The following FAM185A variants were observed in gnomAD, a reference collection of about 807,000 sequenced individuals.
FAM185A encodes the protein family with sequence similarity 185 member A.
In FAM185A, 21 loss-of-function variants were observed where a neutral mutation model predicts 45.7. That is an observed-to-expected ratio of 0.46 (90% CI 0.33 to 0.66). The LOEUF is 0.66. Ranked by LOEUF, FAM185A falls within the 30% of genes least tolerant of loss-of-function variation. FAM185A has a pLI of 0.03. For missense variants in FAM185A, 305 were observed against 485.4 expected (o/e 0.63, Z 3.49); for synonymous variants, 117 against 194.0 (o/e 0.60, Z 3.30).
At chr7:102,792,726 A>G (rs1166775151) in intron 7 of FAM185A, among the ~76,000 whole-genome samples, 3 of 141,192 alleles carry the variant, frequency 2.1e-5, no homozygotes, top group Non-Finnish European at 3.0e-5. Context: ...TTTTAGTAAA[A>G]CTGGAAATAT....
chr7:102,786,588 A>T (rs1389372356), intron 6 of FAM185A, among the ~76,000 whole-genome samples: 1 of 152,208 alleles, frequency 6.6e-6, no homozygotes, highest in African/African-American at 2.4e-5. Context: ...ACAAAAAACC[A>T]AACACCACAT....
chr7:102,847,080 T>C, the FAM185A span, among the ~76,000 whole-genome samples: 1 of 152,216 alleles, frequency 6.6e-6, no homozygotes, highest in East Asian at 1.9e-4. Flanking sequence ...ATACAGCAAC[T>C]CTCATTTATT....
chr7:102,797,356 G>A (rs1796493817), intron 7 of FAM185A, among the ~76,000 whole-genome samples: 1 of 151,450 alleles, frequency 6.6e-6, no homozygotes, highest in African/African-American at 2.4e-5. Context: ...CCAGCTACTC[G>A]GGAGGCTGAG....
downstream of FAM185A, among the ~76,000 whole-genome samples, chr7:102,812,487 A>G (rs1201417000): frequency 6.6e-6 from 1 of 152,218 alleles, no homozygotes; most frequent in African/African-American, 2.4e-5. Context: ...AAATGTTGAG[A>G]TAAGTACAGA....
intron 7 of FAM185A, among the ~76,000 whole-genome samples, chr7:102,789,251 A>C (rs899030124): frequency 3.6e-4 from 55 of 152,226 alleles, no homozygotes; most frequent in African/African-American, 1.3e-3. Context: ...CCTAGTAGCT[A>C]GGTTATAGGT....
At chr7:102,834,405 TTA>T in the FAM185A span, among the ~76,000 whole-genome samples, 17 of 146,412 alleles carry the variant, frequency 1.2e-4, no homozygotes, top group African/African-American at 2.2e-4. Flanking sequence ...TTATATGCGA[TTA>T]TATATATATT....
Position 102,808,290 on chromosome 7 carries a change from G to T in FAM185A, c.1067G>T (p.Gly356Val). 2 of 1,548,120 alleles carry T rather than the reference G, an allele frequency of 1.3e-6. No individual in the cohort carries two copies. The highest frequency in any genetic ancestry group is 1.7e-6 in the Non-Finnish European group (2 of 1,143,776). Residue 356 changes from glycine (G) to valine (V), a missense_variant and splice_region_variant, in exon 8 of 8, where the codon GGA becomes GTA. Gly to Val is a moderately radical substitution (Grantham distance 109). This residue lies in a region of FAM185A where 66 missense variants were observed against 74.6 expected (regional missense o/e 0.89). Transcript: ENST00000413034. ...VRKDDVVTVTGLMNQASKREK... is the reference protein window; with the variant it reads ...VRKDDVVTVTVLMNQASKREK... The stretch of plus-strand genomic sequence containing the variant: ...AATTTTATGCAATTTTGTGTTTTAG[G>T]ACTCATGAATCAAGCAAGCAAACGT...
chr7:102,794,988 T>C (rs1796363639), intron 7 of FAM185A, among the ~76,000 whole-genome samples: 1 of 152,176 alleles, frequency 6.6e-6, no homozygotes, highest in Non-Finnish European at 1.5e-5. Context: ...GTGGTTGCCA[T>C]AGGTTAGGGA....
At chr7:102,822,307 G>A in the FAM185A span, 1 of 1,053,290 alleles carries the variant, frequency 9.5e-7, no homozygotes, top group African/African-American at 1.6e-5. Flanking sequence ...CACAGACTGT[G>A]GCTTAAACAT....
intron 6 of FAM185A, among the ~76,000 whole-genome samples, chr7:102,784,574 G>A (rs1027228350): frequency 3.9e-5 from 6 of 152,070 alleles, no homozygotes; most frequent in South Asian, 2.1e-4. Flanking sequence ...CAGAACCAAC[G>A]ACAAAAACCA....
chr7:102,814,736 T>A, the FAM185A span, among the ~76,000 whole-genome samples: 1 of 152,248 alleles, frequency 6.6e-6, no homozygotes, highest in Non-Finnish European at 1.5e-5. Context: ...AACAAGTTTA[T>A]TCTCTTCAGA....
intron 1 of FAM185A, among the ~76,000 whole-genome samples, chr7:102,750,439 C>T (rs1793294066): frequency 6.6e-6 from 1 of 152,200 alleles, no homozygotes; most frequent in Non-Finnish European, 1.5e-5. Context: ...ATGCCGTAGT[C>T]CTCCCTTATC....
downstream of FAM185A, chr7:102,813,380 T>C: frequency 6.2e-7 from 1 of 1,613,992 alleles, no homozygotes; most frequent in Non-Finnish European, 8.5e-7. Flanking sequence ...GTTGACTTTT[T>C]CACTGTTAAT....
chr7:102,793,510 CTTTTATGGTGT>C (rs1409592913), intron 7 of FAM185A, among the ~76,000 whole-genome samples: 1 of 151,968 alleles, frequency 6.6e-6, no homozygotes, highest in Non-Finnish European at 1.5e-5. Context: ...CATCCGGCCG[CTTTTATGGTGT>C]TTTTATTTCC....
downstream of FAM185A, among the ~76,000 whole-genome samples, chr7:102,812,000 G>A (rs1039634223): frequency 2.6e-5 from 4 of 152,132 alleles, no homozygotes; most frequent in South Asian, 2.1e-4. Context: ...TCAAAATAAC[G>A]ATGCTTTATC....
the FAM185A span, among the ~76,000 whole-genome samples, chr7:102,842,055 A>G: frequency 6.6e-6 from 1 of 152,196 alleles, no homozygotes; most frequent in Admixed American, 6.5e-5. Flanking sequence ...AGTTTAGTCA[A>G]TTATTTCCTA....
chr7:102,833,021 A>G, the FAM185A span: 1 of 1,604,238 alleles, frequency 6.2e-7, no homozygotes, highest in Non-Finnish European at 8.5e-7. Context: ...TTAGTCATCT[A>G]GAACTGTCTT....
the FAM185A span, among the ~76,000 whole-genome samples, chr7:102,819,962 C>G: frequency 1.3e-5 from 2 of 152,238 alleles, no homozygotes; most frequent in South Asian, 4.1e-4. Flanking sequence ...TACAGCTTCT[C>G]TAATAAAAAA....
chr7:102,802,339 ACT>A (rs1796847044), intron 7 of FAM185A, among the ~76,000 whole-genome samples: 1 of 152,188 alleles, frequency 6.6e-6, no homozygotes, highest in African/African-American at 2.4e-5. Context: ...TATATCAAGC[ACT>A]CTCTCAGACC....
Sources: allele counts gnomAD v4.1 joint callset (sites outside exome capture counted in the v4.1 genomes callset), GRCh38; gene constraint gnomAD v4.1.1; regional missense constraint gnomAD v4.1.1; transcripts MANE v1.5; gene names NCBI Gene and HGNC (gene_info 2026-07-23, HGNC 2026-07-21).